Variants in RTN4 observed in about 807,000 individuals in gnomAD.
RTN4 encodes reticulon-4.
A neutral mutation model predicts 90.4 loss-of-function variants in RTN4; 32 were observed. That is an observed-to-expected ratio of 0.35 (90% confidence interval 0.27 to 0.48). The LOEUF is 0.48. Ranked by LOEUF, RTN4 falls within the 20% of genes least tolerant of loss-of-function variation. The pLI, the probability that RTN4 is intolerant of heterozygous loss-of-function variation, is 0.99. For missense variants in RTN4, 1,706 were observed against 1,430.2 expected (o/e 1.19, Z -3.11); for synonymous variants, 629 against 552.5 (o/e 1.14, Z -1.94).
At chr2:55,015,690 C>G (rs1402646399) in intron 3 of RTN4, among the ~76,000 whole-genome samples, 1 of 152,124 alleles carries the variant, frequency 6.6e-6, no homozygotes, top group East Asian at 1.9e-4. Flanking sequence ...TAAAAAATAC[C>G]TAGTACAGAA....
In RTN4 at chr2:54,973,169, C is replaced by A; in HGVS notation, c.3566G>T (p.Arg1189Leu). 13 of 1,603,778 alleles carry A rather than the reference C, an allele frequency of 8.1e-6. No individual in the cohort carries two copies. The highest frequency in any genetic ancestry group is 1.0e-5 in the Non-Finnish European group (12 of 1,171,802). ...KIQAKIPGLK[R>L]KAE is the part of the protein sequence containing the mutation. ...TTTTGGGCGTTTTCATTCAGCTTTG[C>A]GCTTCAATCCAGGGATTTTTGCTTG... is the stretch of plus-strand genomic sequence containing the variant. Residue 1189 changes from arginine to leucine, a missense_variant, in exon 9 of 9, where the codon CGC (arginine) becomes CTC (leucine). By Grantham distance (102) the Arg-to-Leu change is moderately radical. Coordinates refer to ENST00000337526, the MANE Select transcript of RTN4 (RefSeq NM_020532.5).
At chr2:55,115,656 C>T (rs1250709762), upstream of RTN4, among the ~76,000 whole-genome samples, 1 of 152,198 alleles carries the variant, frequency 6.6e-6, no homozygotes, top group Non-Finnish European at 1.5e-5. Context: ...CTCCCAATAG[C>T]CCCTCAGTAG....
At chr2:55,137,736 G>A in the RTN4 span, among the ~76,000 whole-genome samples, 4 of 151,918 alleles carry the variant, frequency 2.6e-5, no homozygotes, top group South Asian at 4.1e-4. Flanking sequence ...CTCCACCTCC[G>A]ACCTCTCAGC....
chr2:55,050,403 G>A lies in RTN4; in HGVS notation c.-103C>T. 1 of 627,310 alleles carries A rather than the reference G, an allele frequency of 1.6e-6. No homozygotes were observed. Among genetic ancestry groups the A allele is most frequent in the Admixed American group, 4.2e-5 (1 of 23,928 alleles). 38.9% of individuals were successfully genotyped at this position (627,310 alleles called of 1,614,324 possible). ...GGGTTGGGGAGGACTGAGAGGGGCT[G>A]GGCCGACTGAGCCGAGGGACCTACT... On this transcript the variant is annotated 5_prime_UTR_variant, in exon 1 of 9. Transcript: ENST00000337526. This position sits in a 1 kb window ranked among gnomAD's most constrained non-coding sequence, Gnocchi z 4.6.
At chr2:55,066,138 T>C (rs1004998399) in intron 2 of RTN4, among the ~76,000 whole-genome samples, 11 of 151,740 alleles carry the variant, frequency 7.2e-5, no homozygotes, top group African/African-American at 2.7e-4. Flanking sequence ...AAAAAAGCAA[T>C]TGGCAAAGTA....
At chr2:55,107,992 T>A (rs940607060) in intron 1 of RTN4, among the ~76,000 whole-genome samples, 1 of 151,952 alleles carries the variant, frequency 6.6e-6, no homozygotes, top group Non-Finnish European at 1.5e-5. Flanking sequence ...TTGCTCTGTA[T>A]ATAGCCCAGG....
the RTN4 span, among the ~76,000 whole-genome samples, chr2:55,118,156 T>C: frequency 6.6e-6 from 1 of 152,086 alleles, no homozygotes; most frequent in Non-Finnish European, 1.5e-5. Flanking sequence ...CTCTCAAAAT[T>C]TTGCCCCATC....
chr2:55,014,276 TAAGG>T (rs1553439790), intron 3 of RTN4: 4 of 152,004 alleles, frequency 2.6e-5, no homozygotes, highest in Non-Finnish European at 2.9e-5. Flanking sequence ...AAATTTAACA[TAAGG>T]TACCAAAAAT....
upstream of RTN4, among the ~76,000 whole-genome samples, chr2:55,054,145 T>G (rs931101936): frequency 6.6e-6 from 1 of 152,200 alleles, no homozygotes; most frequent in Non-Finnish European, 1.5e-5. Context: ...AGTACCAAAA[T>G]GATGTTTCAG....
chr2:55,052,679 G>T (rs1461501469), upstream of RTN4, among the ~76,000 whole-genome samples: 4 of 152,132 alleles, frequency 2.6e-5, no homozygotes, highest in African/African-American at 9.7e-5. Flanking sequence ...CATATTTGAA[G>T]TCTTTGTCAA....
chr2:55,096,547 G>C (rs907885646), intron 1 of RTN4, among the ~76,000 whole-genome samples: 17 of 152,158 alleles, frequency 1.1e-4, no homozygotes, highest in African/African-American at 3.9e-4. Context: ...TTCCCAGACT[G>C]TTCTCAGCAT....
chr2:55,054,825 A>G (rs1389606261), upstream of RTN4, among the ~76,000 whole-genome samples: 1 of 152,230 alleles, frequency 6.6e-6, no homozygotes, highest in Non-Finnish European at 1.5e-5. Flanking sequence ...TGAAAAATTA[A>G]CAGCGTGCTA....
At chr2:55,009,175 A>T (rs1476903901) in intron 3 of RTN4, among the ~76,000 whole-genome samples, 1 of 152,010 alleles carries the variant, frequency 6.6e-6, no homozygotes, top group Non-Finnish European at 1.5e-5. Context: ...GAAGGAAATA[A>T]TTTTTTTTAA....
intron 5 of RTN4, among the ~76,000 whole-genome samples, chr2:54,975,386 G>C (rs1439982655): frequency 6.6e-6 from 1 of 152,110 alleles, no homozygotes; most frequent in African/African-American, 2.4e-5. Context: ...TACTTAGTAG[G>C]TAACAAACAT....
intron 5 of RTN4, among the ~76,000 whole-genome samples, chr2:54,980,521 G>T (rs905685155): frequency 6.6e-6 from 1 of 152,188 alleles, no homozygotes; most frequent in Non-Finnish European, 1.5e-5. Context: ...TTTCTCTCAA[G>T]AAAAATGTTA....
At chr2:55,135,772 A>G in the RTN4 span, among the ~76,000 whole-genome samples, 1 of 152,164 alleles carries the variant, frequency 6.6e-6, no homozygotes, top group Non-Finnish European at 1.5e-5. Flanking sequence ...TGATCTGCAT[A>G]TGGAGTTTGC....
chr2:55,101,570 CTT>C (rs1667852843), intron 1 of RTN4, among the ~76,000 whole-genome samples: 1 of 151,990 alleles, frequency 6.6e-6, no homozygotes, highest in Non-Finnish European at 1.5e-5. Context: ...ACTTTGAAAT[CTT>C]TAGAACAATC....
rs6757705 is a variant in RTN4, at chr2:55,025,340, G to C, written c.2759C>G (p.Ser920Cys). ...LPCTELPHDL[S>C]LKNIQPKVEE... ...AACTTTGGGTTGTATGTTCTTCAAA[G>C]AAAGGTCATGGGGCAATTCTGTGCA... Residue 920 changes from serine (S) to cysteine (C), a missense_variant, in exon 3 of 9, where the codon TCT (serine) becomes TGT (cysteine). Transcript: ENST00000337526. 2,506 of 1,613,962 alleles carry C rather than the reference G, an allele frequency of 1.6e-3. 33 individuals are homozygous for C. The African/African-American group carries it at 0.03, about 19-fold the overall frequency.
At chr2:55,103,378 A>G (rs567531407) in intron 1 of RTN4, among the ~76,000 whole-genome samples, 30 of 152,058 alleles carry the variant, frequency 2.0e-4, no homozygotes, top group Non-Finnish European at 4.1e-4. Flanking sequence ...CAAGATAAAT[A>G]AGTTCTGGAG....
Sources: gnomAD v4.1 joint callset for allele counts (sites outside exome capture counted in the v4.1 genomes callset) on GRCh38, gnomAD v4.1.1 for gene constraint, Gnocchi (gnomAD v3.1) non-coding constraint, MANE v1.5 for transcripts, NCBI Gene and HGNC (gene_info 2026-07-23, HGNC 2026-07-21) for gene names.